VCP: variants seen among roughly 807,000 people sequenced by gnomAD.
VCP encodes the protein transitional endoplasmic reticulum ATPase.
VCP carries 6 observed loss-of-function variants against 85.7 expected under a neutral mutation model. That is an observed-to-expected ratio of 0.07 (90% confidence interval 0.04 to 0.14). The LOEUF (loss-of-function observed/expected upper bound fraction) is 0.14. VCP is among the 10% of genes least tolerant of loss of function. The pLI is 1.00. For synonymous variants in VCP, 384 were observed against 367.1 expected (o/e 1.05, Z -0.53); for missense variants, 353 against 1,043.4 (o/e 0.34, Z 9.12).
At chr9:35,058,966 A>G in intron 15 of VCP, 98 bp downstream of exon 15, 1 of 1,534,620 alleles carries the variant, frequency 6.5e-7, no homozygotes, top group Admixed American at 1.7e-5. Flanking sequence ...CAGTTAGATG[A>G]TCTTTCCAAC....
chr9:35,072,138 T>C (rs1828965793), intron 1 of VCP, 199 bp downstream of exon 1: 2 of 1,390,324 alleles, frequency 1.4e-6, no homozygotes, highest in African/African-American at 1.5e-5. Context: ...AAGCCCCGCC[T>C]AGGGGGCGCG....
At chr9:35,057,666 C>CCTAA in intron 15 of VCP, 136 bp from the exon 16 acceptor site, 1 of 1,209,384 alleles carries the variant, frequency 8.3e-7, no homozygotes, top group South Asian at 1.2e-5. Flanking sequence ...GGCCATGCTT[C>CCTAA]CTAAAATTGA....
intron 3 of VCP, among the ~76,000 whole-genome samples, chr9:35,067,167 G>GA (rs893638624): frequency 8.5e-5 from 13 of 152,066 alleles, no homozygotes; most frequent in African/African-American, 2.7e-4. Context: ...AAACAGAAGT[G>GA]AAAAAAACAA....
At position 35,072,444 on chromosome 9, in the gene VCP, C is replaced by T; in HGVS notation, c.-91G>A. 1 of 1,380,710 alleles carries T rather than the reference C, an allele frequency of 7.2e-7. No individual in the cohort carries two copies. 85.5% of individuals were successfully genotyped at this position (1,380,710 alleles called of 1,614,324 possible). A position where few individuals can be genotyped will look rare whatever the true frequency, so the allele number is the denominator to read the frequency against. On this transcript the variant is annotated 5_prime_UTR_variant, in exon 1 of 17. Coordinates refer to ENST00000358901, the MANE Select transcript of VCP (RefSeq NM_007126.5). The stretch of plus-strand genomic sequence containing the variant: ...CGACCGACTGGGCCGGGGCTCGGCT[C>T]TTCCAGGCGGTGGGCGAGCAGCGGC...
chr9:35,057,447 A>G lies in VCP; in HGVS notation c.2244T>C (p.Ser748=), dbSNP rs1261786201. The change falls in exon 16 of 17, where the codon AGT becomes AGC. Residue 748 remains serine, a synonymous_variant. Transcript: ENST00000358901. ...EAMRFARRSV[S]DNDIRKYEMF... ...TCTCATACTTCCGAATGTCATTGTC[A>G]CTGACAGAACGGCGCGCAAAGCGCA... 9.9e-6 allele frequency: 16 copies of G among 1,614,120 alleles called. No homozygotes were observed. The highest frequency in any genetic ancestry group is 1.4e-5 in the Non-Finnish European group (16 of 1,180,056).
rs2131026692 is a variant in VCP at position 35,057,518 on chromosome 9, C to T, written c.2173G>A (p.Asp725Asn). ...CGACGGATCTCAGGCACTGGATCATCCTCTTCTACCTCCTATAGTTGGTAA... is the reference window on the plus strand; with the variant it reads ...CGACGGATCTCAGGCACTGGATCATTCTCTTCTACCTCCTATAGTTGGTAA... ...TNPSAMEVEE[D>N]DPVPEIRRDH... Residue 725 changes from aspartate to asparagine, a missense_variant, in exon 16 of 17, where the codon GAT becomes AAT. By Grantham distance (23) the Asp-to-Asn change is conservative. Transcript: ENST00000358901. 3.1e-6 allele frequency: 5 copies of T among 1,610,392 alleles called. No individual in the cohort carries two copies. Among genetic ancestry groups the T allele is most frequent in the Non-Finnish European group, 3.4e-6 (4 of 1,180,028 alleles).
chr9:35,068,172 A>C, intron 2 of VCP, 79 bp downstream of exon 2: 1 of 1,606,124 alleles, frequency 6.2e-7, no homozygotes, highest in East Asian at 2.2e-5. Context: ...AGTCACTGCA[A>C]GAAAAATGAG....
chr9:35,071,310 T>G (rs951760919), intron 1 of VCP, among the ~76,000 whole-genome samples: 118 of 144,364 alleles, frequency 8.2e-4, no homozygotes, highest in African/African-American at 2.8e-3. Flanking sequence ...TTTTTTTTTT[T>G]TTTTTTTTTT....
At position 35,057,360 on chromosome 9, in the gene VCP, C is replaced by T. The variant is rs2131026466; in HGVS notation, c.2315+16G>A. On this transcript the variant is annotated intron_variant, in intron 16 of 16. Coordinates refer to ENST00000358901, the MANE Select transcript of VCP (RefSeq NM_007126.5). The stretch of plus-strand genomic sequence containing the variant: ...AAAGTAACTTAAGCACTGTCTAATG[C>T]TCCCAACCAACTTACCTGAAGCTGC... 1.2e-6 allele frequency: 2 copies of T among 1,614,278 alleles called. No individual in the cohort carries two copies. The highest frequency in any genetic ancestry group is 1.7e-6 in the Non-Finnish European group (2 of 1,180,048).
chr9:35,070,355 T>C (rs1350506964), intron 1 of VCP, among the ~76,000 whole-genome samples: 3 of 152,142 alleles, frequency 2.0e-5, no homozygotes, highest in African/African-American at 7.2e-5. Flanking sequence ...AAAATACTCT[T>C]CCAGGGACTG....
At chr9:35,066,397 G>A (rs1320973694) in intron 4 of VCP, among the ~76,000 whole-genome samples, 2 of 150,556 alleles carry the variant, frequency 1.3e-5, no homozygotes, top group Non-Finnish European at 3.0e-5. Flanking sequence ...AGGTAGCTGG[G>A]ATTACAGGTG....
intron 1 of VCP, 89 bp from the exon 2 acceptor site, chr9:35,068,451 T>A: frequency 8.6e-7 from 1 of 1,166,732 alleles, no homozygotes; most frequent in Non-Finnish European, 1.3e-6. Flanking sequence ...AAACAGTGAA[T>A]AGATGAAGCT....
intron 12 of VCP, 64 bp downstream of exon 12, chr9:35,060,737 G>C: frequency 6.2e-7 from 1 of 1,613,418 alleles, no homozygotes; most frequent in Non-Finnish European, 8.5e-7. Context: ...TTGACACCCT[G>C]AGATCACCCA....
rs1224146431 is a variant in VCP at position 35,068,029 on chromosome 9, T to A, written c.164A>T (p.Asp55Val). Reference sequence around the variant, plus strand: ...CTTCTTTCCTTTCAGCAACACTGTGTCACCTCGGAACAACTGCAATTCATC... The same window carrying A: ...CTTCTTTCCTTTCAGCAACACTGTGACACCTCGGAACAACTGCAATTCATC... ...KMDELQLFRG[D>V]TVLLKGKKRR... Residue 55 changes from aspartate to valine, a missense_variant, in exon 3 of 17, where the codon GAC (aspartate) becomes GTC (valine). By Grantham distance (152) the Asp-to-Val change is radical. This residue lies in a region of VCP where 69 missense variants were observed against 132.9 expected (regional missense o/e 0.52). Coordinates refer to ENST00000358901, the MANE Select transcript of VCP (RefSeq NM_007126.5). 1 of 1,614,142 alleles carries A rather than the reference T, an allele frequency of 6.2e-7. No homozygotes were observed. The highest frequency in any genetic ancestry group is 8.5e-7 in the Non-Finnish European group (1 of 1,180,054).
At chr9:35,064,334 G>T in intron 5 of VCP, 49 bp from the exon 6 acceptor site, 1 of 1,609,138 alleles carries the variant, frequency 6.2e-7, no homozygotes, top group Middle Eastern at 1.9e-4. Context: ...TATTATATCA[G>T]CAAAAGCTGA....
chr9:35,065,464 T>C (rs1587127317), intron 4 of VCP, 83 bp from the exon 5 acceptor site: 1 of 1,587,216 alleles, frequency 6.3e-7, no homozygotes, highest in South Asian at 1.1e-5. Flanking sequence ...GGGGTCAAAA[T>C]GCCAAGCTCA....
chr9:35,061,590 A>G lies in VCP; in HGVS notation c.1181T>C (p.Val394Ala). 1 of 1,614,180 alleles carries G rather than the reference A, an allele frequency of 6.2e-7. No homozygotes were observed. The highest frequency in any genetic ancestry group is 8.5e-7 in the Non-Finnish European group (1 of 1,180,016). The change falls in exon 10 of 17, where the codon GTG (valine) becomes GCG (alanine). Residue 394 changes from valine to alanine, a missense_variant. Val to Ala is a moderately conservative substitution (Grantham distance 64, BLOSUM62 0). This residue lies in a region of VCP where 30 missense variants were observed against 39.0 expected (regional missense o/e 0.77). Transcript: ENST00000358901. ...TCATCACTTCACCTGTTCCAGGTCC[A>G]CATCATCTGCCAGCTTCATGTTCTT... ...HTKNMKLADD[V>A]DLEQVANETH...
rs1828722657 is a variant in VCP, at chr9:35,061,625, C to G, written c.1146G>C (p.Gln382His). ...PDATGRLEIL[Q>H]IHTKNMKLAD... The stretch of plus-strand genomic sequence containing the variant: ...CCAGCTTCATGTTCTTGGTATGGAT[C>G]TGAAGAATCTCTAAGCGTCCTGTAG... The change falls in exon 10 of 17, where the codon CAG becomes CAC. Residue 382 changes from glutamine to histidine, a missense_variant. By Grantham distance (24) the Gln-to-His change is conservative (BLOSUM62 0). Transcript: ENST00000358901. 2 of 1,614,174 alleles carry G rather than the reference C, an allele frequency of 1.2e-6. No individual in the cohort carries two copies. The highest frequency in any genetic ancestry group is 2.7e-5 in the African/African-American group (2 of 75,038).
rs145058305 is a variant in VCP at position 35,059,009 on chromosome 9, G to A, written c.2160+55C>T. 139 of 1,609,042 alleles carry A rather than the reference G, an allele frequency of 8.6e-5. No homozygotes were observed. The African/African-American group carries it at 1.7e-3, about 20-fold the overall frequency. On this transcript the variant is annotated intron_variant, in intron 15 of 16. Transcript: ENST00000358901. This position sits in a 1 kb window ranked among gnomAD's most constrained non-coding sequence, Gnocchi z 4.9. Reference sequence around the variant, plus strand: ...ACTCTCAACTCCAGGGCATGGTGGTGGCTGCTGCCTGGCTCTCCATGATTG... The same window carrying A: ...ACTCTCAACTCCAGGGCATGGTGGTAGCTGCTGCCTGGCTCTCCATGATTG...
Sources: gnomAD v4.1 joint callset for allele counts (sites outside exome capture counted in the v4.1 genomes callset) on GRCh38, gnomAD v4.1.1 for gene constraint, gnomAD v4.1.1 regional missense constraint, Gnocchi (gnomAD v3.1) non-coding constraint, MANE v1.5 for transcripts, NCBI Gene and HGNC (gene_info 2026-07-23, HGNC 2026-07-21) for gene names.